Variants in LRRC4C observed in about 807,000 individuals in gnomAD.
LRRC4C encodes leucine rich repeat containing 4C, also known as leucine-rich repeat-containing protein 4C.
In LRRC4C, 5 loss-of-function variants were observed where a neutral mutation model predicts 33.6. The observed-to-expected ratio is 0.15, with a 90% CI of 0.08 to 0.31. The LOEUF (loss-of-function observed/expected upper bound fraction) is 0.31. LRRC4C is among the 10% of genes least tolerant of loss of function. The probability of loss-of-function intolerance (pLI) is 1.00; values close to 1 mark genes in which losing one functional copy is unlikely to be tolerated. For synonymous variants in LRRC4C, 329 were observed against 302.0 expected, an observed-to-expected ratio of 1.09 and a Z score of -0.93; for missense variants, 560 against 796.7, an observed-to-expected ratio of 0.70 and a Z score of 3.58.
At chr11:40,271,414 A>G (rs1942687840) in intron 4 of LRRC4C, among the ~76,000 whole-genome samples, 1 of 152,220 alleles carries the variant, frequency 6.6e-6, no homozygotes, top group African/African-American at 2.4e-5. Flanking sequence ...AATGAAAGGT[A>G]AAGTTCTTCC....
intron 5 of LRRC4C, among the ~76,000 whole-genome samples, chr11:40,153,007 C>A (rs10160712): frequency 0.29 from 44,177 of 152,020 alleles, 6,737 homozygotes; most frequent in Non-Finnish European, 0.34. Context: ...AGCATTAAAC[C>A]ACCAAAGCTA....
rs117942935 is a variant in LRRC4C at position 40,606,246 on chromosome 11, G to A, written c.-270+41896C>T. ...AGGGATATAGGTCACTTATTGTAGC[G>A]CTAGAGAAGTTAGAGTACTGCAGAC... On this transcript the variant is annotated intron_variant, in intron 3 of 6. Transcript: ENST00000528697. Among the ~76,000 whole-genome samples the A allele has an allele frequency of 4.9e-3, 751 of 152,256 alleles. 1 individual carries two copies. Among genetic ancestry groups the A allele is most frequent in the Non-Finnish European group, 8.5e-3 (576 of 68,014 alleles).
intron 1 of LRRC4C, among the ~76,000 whole-genome samples, chr11:41,110,957 T>A (rs747828495): frequency 6.6e-6 from 1 of 151,424 alleles, no homozygotes; most frequent in Non-Finnish European, 1.5e-5. Context: ...TGATTCAATA[T>A]GTCTGAGTTG....
At chr11:40,478,417 C>CTA (rs1953361556) in intron 3 of LRRC4C, among the ~76,000 whole-genome samples, 2 of 152,214 alleles carry the variant, frequency 1.3e-5, no homozygotes, top group South Asian at 4.1e-4. Flanking sequence ...CCAGTCCATG[C>CTA]TATGGTTTCC....
chr11:40,632,151 T>C (rs1963526720), intron 3 of LRRC4C, among the ~76,000 whole-genome samples: 1 of 152,194 alleles, frequency 6.6e-6, no homozygotes, highest in African/African-American at 2.4e-5. Flanking sequence ...CAAAAAATAT[T>C]TGTTAATCGG....
chr11:40,275,014 C>T lies in LRRC4C; in HGVS notation c.-175-33416G>A, dbSNP rs556102433. 3.4e-4 allele frequency among the ~76,000 whole-genome samples: 51 copies of T among 152,230 alleles called. 1 individual carries two copies. The South Asian group carries it at 0.011, about 32-fold the overall frequency. ...ATAGACATGGTGGTCATTTGTCACA[C>T]ACTTGTGCAATTATATCTATATGAC... On this transcript the variant is annotated intron_variant, in intron 4 of 6. Coordinates refer to ENST00000528697, the MANE Select transcript of LRRC4C (RefSeq NM_001258419.2).
intron 3 of LRRC4C, among the ~76,000 whole-genome samples, chr11:40,643,951 A>G (rs1382263056): frequency 6.6e-6 from 1 of 152,188 alleles, no homozygotes; most frequent in African/African-American, 2.4e-5. Flanking sequence ...TTCAACTGCA[A>G]ACTACGTATT....
chr11:41,228,663 C>T (rs1447084913), intron 1 of LRRC4C, among the ~76,000 whole-genome samples: 1 of 152,054 alleles, frequency 6.6e-6, no homozygotes, highest in African/African-American at 2.4e-5. Context: ...TTGCTTCAGG[C>T]AAATAACAAA....
intron 1 of LRRC4C, among the ~76,000 whole-genome samples, chr11:40,936,065 T>TATATATAAAA (rs1555008817): frequency 1.3e-5 from 1 of 75,828 alleles, no homozygotes; most frequent in Non-Finnish European, 2.8e-5. Flanking sequence ...TATATATATA[T>TATATATAAAA]AACATAGTTT....
intron 1 of LRRC4C, among the ~76,000 whole-genome samples, chr11:41,006,940 A>AAG (rs1854798631): frequency 6.6e-6 from 1 of 152,154 alleles, no homozygotes; most frequent in Non-Finnish European, 1.5e-5. Context: ...TTTTCATCTT[A>AAG]CAAGGTAGAA....
intron 5 of LRRC4C, among the ~76,000 whole-genome samples, chr11:40,219,933 G>A (rs528624690): frequency 1.5e-3 from 236 of 152,284 alleles, no homozygotes; most frequent in Non-Finnish European, 2.9e-3. Flanking sequence ...TGAGCTAACA[G>A]ATGTGTTAAC....
intron 2 of LRRC4C, among the ~76,000 whole-genome samples, chr11:40,922,013 C>A (rs1957204353): frequency 6.6e-6 from 1 of 152,108 alleles, no homozygotes; most frequent in African/African-American, 2.4e-5. Context: ...ATGAGTATAA[C>A]AAATTCAATG....
intron 3 of LRRC4C, among the ~76,000 whole-genome samples, chr11:40,521,999 T>C (rs115009318): frequency 0.021 from 3,136 of 152,294 alleles, 118 homozygotes; most frequent in African/African-American, 0.071. Flanking sequence ...AAGATTCTTC[T>C]AAAAAGATGT....
At chr11:41,317,902 G>A (rs1950842752) in intron 1 of LRRC4C, among the ~76,000 whole-genome samples, 1 of 152,000 alleles carries the variant, frequency 6.6e-6, no homozygotes, top group African/African-American at 2.4e-5. Context: ...AATTAAATAT[G>A]TAAGCAAAGA....
intron 1 of LRRC4C, among the ~76,000 whole-genome samples, chr11:41,203,932 G>C (rs188911020): frequency 1.8e-4 from 27 of 152,106 alleles, no homozygotes; most frequent in Non-Finnish European, 3.1e-4. Flanking sequence ...AAAGTAGAAG[G>C]TATTTCACCA....
intron 1 of LRRC4C, among the ~76,000 whole-genome samples, chr11:41,256,020 GA>G (rs997259353): frequency 1.4e-4 from 21 of 152,098 alleles, no homozygotes; most frequent in Admixed American, 4.6e-4. Flanking sequence ...TCTGTAACAA[GA>G]AGGAAACATT....
chr11:40,657,527 T>C (rs1384013314), intron 2 of LRRC4C, among the ~76,000 whole-genome samples: 1 of 152,190 alleles, frequency 6.6e-6, no homozygotes, highest in Non-Finnish European at 1.5e-5. Context: ...GATAAATGCA[T>C]ATCTAGTTGT....
chr11:40,330,057 C>T (rs571480409), intron 3 of LRRC4C, among the ~76,000 whole-genome samples: 101 of 152,142 alleles, frequency 6.6e-4, no homozygotes, highest in Middle Eastern at 6.8e-3. Context: ...TACTTTCTAA[C>T]TAGGTACAGT....
chr11:40,557,317 G>C (rs1350268673), intron 3 of LRRC4C, among the ~76,000 whole-genome samples: 1 of 152,070 alleles, frequency 6.6e-6, no homozygotes, highest in Non-Finnish European at 1.5e-5. Flanking sequence ...TTACTTGATT[G>C]TCAGAAGGTC....
Sources: gnomAD v4.1 joint callset for allele counts (sites outside exome capture counted in the v4.1 genomes callset) on GRCh38, gnomAD v4.1.1 for gene constraint, MANE v1.5 for transcripts, NCBI Gene and HGNC (gene_info 2026-07-23, HGNC 2026-07-21) for gene names.